DPYD: variants seen among roughly 807,000 people sequenced by gnomAD.
The protein encoded by DPYD is dihydropyrimidine dehydrogenase.
Under a neutral mutation model 116.2 loss-of-function variants are expected in DPYD, and 109 were observed. That is an observed-to-expected ratio of 0.94 (90% CI 0.80 to 1.10). The LOEUF is 1.10. Among genes scored for constraint, DPYD ranks in the 50% least tolerant of loss-of-function variants. DPYD has a pLI of 0.00. For synonymous variants in DPYD, 440 were observed against 432.0 expected (o/e 1.02, Z -0.23); for missense variants, 1,302 against 1,254.5 (o/e 1.04, Z -0.57).
At chr1:97,497,471 GA>G (rs1039055266) in intron 13 of DPYD, among the ~76,000 whole-genome samples, 9 of 151,692 alleles carry the variant, frequency 5.9e-5, no homozygotes, top group African/African-American at 1.7e-4. Flanking sequence ...TGAATAAGGG[GA>G]AAAAAATATG....
intron 3 of DPYD, among the ~76,000 whole-genome samples, chr1:97,801,902 T>C (rs1436281739): frequency 6.6e-6 from 1 of 151,920 alleles, no homozygotes; most frequent in Non-Finnish European, 1.5e-5. Flanking sequence ...AGATTATTTA[T>C]TTTATTATTT....
chr1:97,444,155 T>C (rs1438115305), intron 14 of DPYD, among the ~76,000 whole-genome samples: 1 of 152,216 alleles, frequency 6.6e-6, no homozygotes, highest in Admixed American at 6.5e-5. Context: ...TGATAACATA[T>C]CTTCTTTCCT....
intron 8 of DPYD, among the ~76,000 whole-genome samples, chr1:97,663,133 C>T (rs1659364289): frequency 6.6e-6 from 1 of 152,178 alleles, no homozygotes; most frequent in African/African-American, 2.4e-5. Flanking sequence ...TCATTTGCCA[C>T]AGCCAAGGAT....
At chr1:97,730,526 C>T (rs1355915621) in intron 4 of DPYD, among the ~76,000 whole-genome samples, 1 of 151,858 alleles carries the variant, frequency 6.6e-6, no homozygotes, top group Non-Finnish European at 1.5e-5. Flanking sequence ...ACCTGGCCTA[C>T]TTATCCTTTA....
intron 8 of DPYD, among the ~76,000 whole-genome samples, chr1:97,674,681 C>T (rs982171742): frequency 6.6e-6 from 1 of 151,272 alleles, no homozygotes; most frequent in Non-Finnish European, 1.5e-5. Flanking sequence ...AGGAACTATA[C>T]CCATGTCCAG....
At position 97,297,497 on chromosome 1, in the gene DPYD, C is replaced by T. The variant is rs149841405; in HGVS notation, c.2299+7762G>A. Among the ~76,000 whole-genome samples the T allele has an allele frequency of 4.6e-5, 7 of 152,280 alleles. No homozygotes were observed. In the East Asian group the frequency reaches 1.2e-3, roughly 25 times the overall value. On this transcript the variant is annotated intron_variant, in intron 18 of 22. Transcript: ENST00000370192. ...CAGGATTGATGAATAATATCATGAACAGTCTATAAAGATGACTTTGGAAGA... is the reference window on the plus strand; with the variant it reads ...CAGGATTGATGAATAATATCATGAATAGTCTATAAAGATGACTTTGGAAGA...
chr1:97,813,136 T>C (rs551513345), intron 3 of DPYD, among the ~76,000 whole-genome samples: 1 of 152,312 alleles, frequency 6.6e-6, no homozygotes, highest in South Asian at 2.1e-4. Context: ...TTATTTAATA[T>C]AGCTTCCTCA....
chr1:97,671,085 A>G (rs1013498581), intron 8 of DPYD, among the ~76,000 whole-genome samples: 3 of 152,114 alleles, frequency 2.0e-5, no homozygotes, highest in Non-Finnish European at 4.4e-5. Context: ...GTTTTTTAAA[A>G]TAAAAAGAAT....
At chr1:97,437,932 T>C (rs909237718) in intron 14 of DPYD, among the ~76,000 whole-genome samples, 13 of 152,060 alleles carry the variant, frequency 8.5e-5, no homozygotes, top group African/African-American at 2.9e-4. Context: ...AGGCTTACTT[T>C]CTTGTTGCAT....
chr1:97,699,655 A>G (rs1304061283), intron 5 of DPYD, 108 bp from the exon 6 acceptor site: 5 of 1,077,354 alleles, frequency 4.6e-6, no homozygotes, highest in Non-Finnish European at 7.1e-6. Flanking sequence ...AATGAGCAGT[A>G]CATTTTCAGT....
intron 3 of DPYD, among the ~76,000 whole-genome samples, chr1:97,817,913 C>T (rs1668713807): frequency 6.6e-6 from 1 of 151,972 alleles, no homozygotes; most frequent in Non-Finnish European, 1.5e-5. Context: ...ATAATTTTAG[C>T]TATTAGCTGC....
chr1:97,743,195 T>C (rs1444993875), intron 3 of DPYD, among the ~76,000 whole-genome samples: 1 of 152,138 alleles, frequency 6.6e-6, no homozygotes, highest in African/African-American at 2.4e-5. Flanking sequence ...ATAACAGCTG[T>C]TGAAAATGTC....
At chr1:97,492,622 C>T (rs1461158661) in intron 13 of DPYD, among the ~76,000 whole-genome samples, 3 of 152,022 alleles carry the variant, frequency 2.0e-5, no homozygotes, top group South Asian at 2.1e-4. Context: ...GCCAGTTGAT[C>T]ACAGAATGAG....
chr1:97,203,793 CAAAAAAAAAAA>C (rs56819543), intron 19 of DPYD, among the ~76,000 whole-genome samples: 3 of 65,692 alleles, frequency 4.6e-5, no homozygotes, highest in South Asian at 4.7e-4. Flanking sequence ...ATTCACATTC[CAAAAAAAAAAA>C]AAAAAAAAAA....
intron 12 of DPYD, among the ~76,000 whole-genome samples, chr1:97,544,706 T>C (rs1203538720): frequency 6.6e-6 from 1 of 150,388 alleles, no homozygotes; most frequent in Non-Finnish European, 1.5e-5. Context: ...TCCTTTAGAA[T>C]GATATTGTGA....
At chr1:97,079,966 GTTT>G (rs533183204) in intron 22 of DPYD, among the ~76,000 whole-genome samples, 4 of 151,502 alleles carry the variant, frequency 2.6e-5, no homozygotes, top group African/African-American at 9.7e-5. Flanking sequence ...TCAGGACCGA[GTTT>G]TTTTTAAAAA....
chr1:97,917,236 A>G (rs2101719999), intron 1 of DPYD, among the ~76,000 whole-genome samples: 1 of 152,304 alleles, frequency 6.6e-6, no homozygotes, highest in East Asian at 1.9e-4. Flanking sequence ...ATCAATAAAC[A>G]ACTCATGGCT....
Position 97,316,509 on chromosome 1 carries a change from G to A in DPYD, c.2059-10212C>T, listed in dbSNP as rs1163560233. On this transcript the variant is annotated intron_variant, in intron 16 of 22. Transcript: ENST00000370192. ...AGCCTGGGAGACAGAGCAAGACTCT[G>A]TCTCAATAAAATAAAATAAAATAAA... Among the ~76,000 whole-genome samples the A allele has an allele frequency of 3.5e-5, 3 of 86,238 alleles. No individual in the cohort carries two copies. The East Asian group carries it at 1.2e-3, about 36-fold the overall frequency. The allele number at this position is 86,238 out of a possible 152,430, so 56.6% of individuals were successfully genotyped here.
At chr1:97,309,515 T>C (rs1667371744) in intron 16 of DPYD, among the ~76,000 whole-genome samples, 1 of 151,686 alleles carries the variant, frequency 6.6e-6, no homozygotes, top group Non-Finnish European at 1.5e-5. Context: ...GAGTGACAGA[T>C]CTAGGGAGCA....
Sources: gnomAD v4.1 joint callset for allele counts (sites outside exome capture counted in the v4.1 genomes callset) on GRCh38, gnomAD v4.1.1 for gene constraint, MANE v1.5 for transcripts, NCBI Gene and HGNC (gene_info 2026-07-23, HGNC 2026-07-21) for gene names.